Variants in TRPC4 observed in about 807,000 individuals in gnomAD.
TRPC4 encodes short transient receptor potential channel 4.
In TRPC4, 49 loss-of-function variants were observed where a neutral mutation model predicts 99.4. The observed-to-expected ratio is 0.49, with a 90% CI of 0.39 to 0.63. TRPC4 has a LOEUF of 0.63. Among genes scored for constraint, TRPC4 ranks in the 20% least tolerant of loss-of-function variants. The pLI is 0.00. For missense variants in TRPC4, 898 were observed against 1,152.9 expected (o/e 0.78, Z 3.20); for synonymous variants, 454 against 425.9 (o/e 1.07, Z -0.81).
intron 3 of TRPC4, among the ~76,000 whole-genome samples, chr13:37,739,877 G>A (rs867462793): frequency 6.6e-6 from 1 of 151,750 alleles, no homozygotes; most frequent in Non-Finnish European, 1.5e-5. Flanking sequence ...TATATACTCC[G>A]GTATGTCATT....
At chr13:37,861,524 G>A (rs1471495786) in intron 1 of TRPC4, among the ~76,000 whole-genome samples, 4 of 151,450 alleles carry the variant, frequency 2.6e-5, no homozygotes, top group African/African-American at 9.7e-5. Context: ...TATTCTTCAG[G>A]TTAAAATTGT....
At chr13:37,663,794 A>C in intron 5 of TRPC4, 65 bp from the exon 6 acceptor site, 1 of 1,372,832 alleles carries the variant, frequency 7.3e-7, no homozygotes, top group South Asian at 1.4e-5. Flanking sequence ...GATCAAGGTC[A>C]GACCCAGAAG....
At chr13:37,745,508 G>GTATATATACGTATA (rs1566138578) in intron 3 of TRPC4, among the ~76,000 whole-genome samples, 25 of 111,436 alleles carry the variant, frequency 2.2e-4, no homozygotes, top group Admixed American at 4.8e-4. Flanking sequence ...ACGTATATAT[G>GTATATATACGTATA]TATATATATA....
intron 3 of TRPC4, among the ~76,000 whole-genome samples, chr13:37,705,206 C>A (rs538020350): frequency 9.2e-5 from 14 of 152,166 alleles, no homozygotes; most frequent in African/African-American, 3.4e-4. Flanking sequence ...CATAGCAATG[C>A]AATTACAGCA....
chr13:37,742,050 TAGA>T (rs1431286562), intron 3 of TRPC4, among the ~76,000 whole-genome samples: 1 of 152,102 alleles, frequency 6.6e-6, no homozygotes, highest in Non-Finnish European at 1.5e-5. Flanking sequence ...TTTGAATTGA[TAGA>T]AGATGTTTGT....
Position 37,634,182 on chromosome 13 carries a change from A to C in TRPC4, c.*2721T>G, listed in dbSNP as rs143025459. On this transcript the variant is annotated 3_prime_UTR_variant, in exon 11 of 11. Coordinates refer to ENST00000379705, the MANE Select transcript of TRPC4 (RefSeq NM_016179.4). ...CTGTAGCATTTAGAAATTTCTGTGGATAGAAATATGAATAGAAACGAACAC... is the reference window on the plus strand; with the variant it reads ...CTGTAGCATTTAGAAATTTCTGTGGCTAGAAATATGAATAGAAACGAACAC... Among the ~76,000 whole-genome samples the C allele has an allele frequency of 6.6e-6, 1 of 152,114 alleles. No homozygotes were observed.
At chr13:37,683,191 G>C (rs1172261403) in intron 4 of TRPC4, among the ~76,000 whole-genome samples, 1 of 152,000 alleles carries the variant, frequency 6.6e-6, no homozygotes, top group Non-Finnish European at 1.5e-5. Flanking sequence ...ATAAAGTCTG[G>C]GAGTTTCTAC....
chr13:37,720,237 C>T (rs377733028), intron 3 of TRPC4, among the ~76,000 whole-genome samples: 56 of 152,192 alleles, frequency 3.7e-4, no homozygotes, highest in African/African-American at 1.3e-3. Context: ...CTTTGAGCCA[C>T]TATGCAAAAA....
At chr13:37,840,185 G>A (rs1221168790) in intron 1 of TRPC4, among the ~76,000 whole-genome samples, 1 of 152,014 alleles carries the variant, frequency 6.6e-6, no homozygotes, top group Non-Finnish European at 1.5e-5. Context: ...TCCTTCTTTA[G>A]TGTTTCTCTT....
intron 1 of TRPC4, among the ~76,000 whole-genome samples, chr13:37,828,246 G>C (rs572371216): frequency 6.6e-6 from 1 of 152,180 alleles, no homozygotes; most frequent in Non-Finnish European, 1.5e-5. Context: ...CGTTGCTCAC[G>C]CTGGGAGCTG....
chr13:37,746,272 C>A lies in TRPC4; in HGVS notation c.562G>T (p.Asp188Tyr). ...CVECVSSSDV[D>Y]SLRHSRSRLN... is the part of the protein sequence containing the mutation. The stretch of plus-strand genomic sequence containing the variant: ...CTGGAGCGTGAGTGACGGAGGCTGT[C>A]CACATCTGAACTGGACACGCATTCC... Residue 188 changes from aspartate (D) to tyrosine (Y), a missense_variant, in exon 3 of 11, where the codon GAC (aspartate) becomes TAC (tyrosine). By Grantham distance (160) the Asp-to-Tyr change is radical. This residue lies in a region of TRPC4 where 278 missense variants were observed against 346.6 expected (regional missense o/e 0.80). Coordinates refer to ENST00000379705, the MANE Select transcript of TRPC4 (RefSeq NM_016179.4). 5.0e-6 allele frequency: 8 copies of A among 1,613,828 alleles called. No individual in the cohort carries two copies. The highest frequency in any genetic ancestry group is 6.8e-6 in the Non-Finnish European group (8 of 1,179,884).
intron 3 of TRPC4, among the ~76,000 whole-genome samples, chr13:37,694,106 T>A (rs1353072986): frequency 6.6e-6 from 1 of 152,210 alleles, no homozygotes; most frequent in African/African-American, 2.4e-5. Context: ...CCCCGTATAA[T>A]CCTTCCCATC....
intron 3 of TRPC4, among the ~76,000 whole-genome samples, chr13:37,713,743 G>T (rs1954565104): frequency 6.6e-6 from 1 of 152,134 alleles, no homozygotes; most frequent in South Asian, 2.1e-4. Context: ...GTTTTGTTTT[G>T]CAGTTTAGTT....
intron 1 of TRPC4, among the ~76,000 whole-genome samples, chr13:37,845,279 A>G (rs549552194): frequency 1.0e-4 from 15 of 144,206 alleles, no homozygotes; most frequent in South Asian, 6.5e-4. Context: ...CACCACCAAA[A>G]GAAGTTAATA....
intron 3 of TRPC4, among the ~76,000 whole-genome samples, chr13:37,734,425 T>C (rs1453832122): frequency 6.6e-6 from 1 of 152,098 alleles, no homozygotes; most frequent in Admixed American, 6.6e-5. Context: ...TCACCTTTTA[T>C]GGAATTGCGT....
chr13:37,721,354 A>G (rs1156786478), intron 3 of TRPC4, among the ~76,000 whole-genome samples: 1 of 152,198 alleles, frequency 6.6e-6, no homozygotes, highest in Non-Finnish European at 1.5e-5. Flanking sequence ...AAAGATTGTT[A>G]ATAAAATTAT....
chr13:37,692,647 A>G (rs1167943038), intron 3 of TRPC4, among the ~76,000 whole-genome samples: 1 of 152,218 alleles, frequency 6.6e-6, no homozygotes, highest in Non-Finnish European at 1.5e-5. Context: ...TAAGTGAACA[A>G]AGCAGTTTAT....
At chr13:37,859,980 C>T (rs541218375) in intron 1 of TRPC4, among the ~76,000 whole-genome samples, 85 of 151,124 alleles carry the variant, frequency 5.6e-4, no homozygotes, top group Middle Eastern at 3.4e-3. Context: ...TACCATCCTC[C>T]GATGTATTTC....
chr13:37,722,066 T>C (rs1049645319), intron 3 of TRPC4, among the ~76,000 whole-genome samples: 1 of 152,202 alleles, frequency 6.6e-6, no homozygotes, highest in African/African-American at 2.4e-5. Flanking sequence ...AAGGAGTATA[T>C]GGAGATATGT....
Sources: gnomAD v4.1 joint callset for allele counts (sites outside exome capture counted in the v4.1 genomes callset) on GRCh38, gnomAD v4.1.1 for gene constraint, gnomAD v4.1.1 regional missense constraint, MANE v1.5 for transcripts, NCBI Gene and HGNC (gene_info 2026-07-23, HGNC 2026-07-21) for gene names.